GNG7: variants seen among roughly 807,000 people sequenced by gnomAD.
GNG7 encodes the protein G protein subunit gamma 7, also known as guanine nucleotide-binding protein G(I)/G(S)/G(O) subunit gamma-7.
GNG7 carries 1 observed loss-of-function variant against 4.0 expected under a neutral mutation model. The ratio of observed to expected loss-of-function variants is 0.25; its 90% CI spans 0.09 to 1.18. GNG7 has a LOEUF of 1.18. Among genes scored for constraint, GNG7 ranks in the 50% most tolerant of loss-of-function variants. GNG7 has a pLI of 0.50. For missense variants in GNG7, 86 were observed against 91.9 expected (o/e 0.94, Z 0.26); for synonymous variants, 34 against 36.9 (o/e 0.92, Z 0.29).
intron 2 of GNG7, among the ~76,000 whole-genome samples, chr19:2,572,625 G>A (rs1286784537): frequency 1.1e-4 from 15 of 140,470 alleles, no homozygotes; most frequent in African/African-American, 4.0e-4. Flanking sequence ...AAGAGTTAAC[G>A]ATCTGTTGCC....
intron 1 of GNG7, among the ~76,000 whole-genome samples, chr19:2,690,890 G>A (rs1241563039): frequency 1.3e-5 from 2 of 152,128 alleles, no homozygotes; most frequent in Admixed American, 6.6e-5. Flanking sequence ...CACCGCGCCC[G>A]GCCAGGGCAG....
intron 1 of GNG7, among the ~76,000 whole-genome samples, chr19:2,663,777 T>G (rs1983236882): frequency 1.3e-5 from 2 of 152,180 alleles, no homozygotes; most frequent in Admixed American, 1.3e-4. Context: ...CACCAGTTTT[T>G]AAAACTGAAC....
chr19:2,589,083 C>A (rs1474557307), intron 2 of GNG7, among the ~76,000 whole-genome samples: 1 of 149,512 alleles, frequency 6.7e-6, no homozygotes, highest in Admixed American at 6.7e-5. Context: ...CATGAGCCAC[C>A]ACACCTGGCT....
chr19:2,514,702 C>T lies in GNG7; in HGVS notation c.*320G>A. 1 of 199,974 alleles carries T rather than the reference C, an allele frequency of 5.0e-6. No individual in the cohort carries two copies. The highest frequency in any genetic ancestry group is 1.2e-4 in the East Asian group (1 of 8,356). The allele number at this position is 199,974 out of a possible 1,614,324, so 12.4% of individuals were successfully genotyped here. On this transcript the variant is annotated 3_prime_UTR_variant, in exon 5 of 5. Coordinates refer to ENST00000382159, the MANE Select transcript of GNG7 (RefSeq NM_052847.3). ...AATCGAGAGTTTTAAAAAATTGTTA[C>T]CCCATCGCTGGGGGATTTCAGTTAT...
chr19:2,588,690 A>G (rs1247260194), intron 2 of GNG7, among the ~76,000 whole-genome samples: 1 of 152,180 alleles, frequency 6.6e-6, no homozygotes, highest in African/African-American at 2.4e-5. Context: ...CAGGGTGACC[A>G]ACCCCAGCTG....
intron 1 of GNG7, among the ~76,000 whole-genome samples, chr19:2,676,105 C>T (rs555675264): frequency 3.0e-4 from 46 of 152,192 alleles, no homozygotes; most frequent in Non-Finnish European, 5.7e-4. Context: ...AGCCCAGGGG[C>T]GCCAAGAACC....
intron 3 of GNG7, among the ~76,000 whole-genome samples, chr19:2,527,582 C>T (rs1599373840): frequency 6.6e-6 from 1 of 152,292 alleles, no homozygotes; most frequent in Non-Finnish European, 1.5e-5. Context: ...CAGCCTAGGG[C>T]CCCAGTCTGC....
chr19:2,661,363 A>AGAAG (rs1983174037), intron 1 of GNG7, among the ~76,000 whole-genome samples: 1 of 151,246 alleles, frequency 6.6e-6, no homozygotes, highest in Non-Finnish European at 1.5e-5. Flanking sequence ...AAAGAAAGAA[A>AGAAG]TGGGCCCTCC....
intron 1 of GNG7, among the ~76,000 whole-genome samples, chr19:2,667,677 G>A (rs1385605806): frequency 1.3e-5 from 2 of 152,160 alleles, no homozygotes; most frequent in African/African-American, 4.8e-5. Context: ...CACTTTGGGA[G>A]GCGGAGGCAG....
chr19:2,525,593 A>G (rs1442723536), intron 3 of GNG7, among the ~76,000 whole-genome samples: 1 of 152,140 alleles, frequency 6.6e-6, no homozygotes, highest in Non-Finnish European at 1.5e-5. Flanking sequence ...GCTCCAGTGC[A>G]CAGAAGGGCT....
intron 2 of GNG7, among the ~76,000 whole-genome samples, chr19:2,567,144 A>C (rs867972740): frequency 9.2e-5 from 10 of 109,190 alleles, no homozygotes; most frequent in African/African-American, 1.8e-4. Flanking sequence ...AAAAAAAAAC[A>C]AAAAAAAAAA....
chr19:2,661,102 T>C (rs1268386811), intron 1 of GNG7, among the ~76,000 whole-genome samples: 1 of 148,848 alleles, frequency 6.7e-6, no homozygotes, highest in Non-Finnish European at 1.5e-5. Context: ...TCCCAGCTAC[T>C]AGAGAGGCTG....
chr19:2,686,753 CT>C (rs1224590104), intron 1 of GNG7, among the ~76,000 whole-genome samples: 14,668 of 140,270 alleles, frequency 0.1, 692 homozygotes, highest in Middle Eastern at 0.19. Context: ...TTTTTTCTTT[CT>C]TTTTTTTTTT....
rs1477803626 is a variant in GNG7, at chr19:2,609,603, G to A, written c.-78+36621C>T. 1.3e-5 allele frequency among the ~76,000 whole-genome samples: 2 copies of A among 152,178 alleles called. No individual in the cohort carries two copies. Among genetic ancestry groups the A allele is most frequent in the Non-Finnish European group, 2.9e-5 (2 of 68,038 alleles). On this transcript the variant is annotated intron_variant, in intron 2 of 4. Coordinates refer to ENST00000382159, the MANE Select transcript of GNG7 (RefSeq NM_052847.3). This position sits in a 1 kb window ranked among gnomAD's most constrained non-coding sequence, Gnocchi z 4.4. ...GTGATGTTTGCGCACCACGTCCCGAGTGCCAGAGCAGACAGGGTCCCACCT... is the reference window on the plus strand; with the variant it reads ...GTGATGTTTGCGCACCACGTCCCGAATGCCAGAGCAGACAGGGTCCCACCT...
intron 3 of GNG7, among the ~76,000 whole-genome samples, chr19:2,526,809 T>C (rs528671343): frequency 1.3e-5 from 2 of 151,100 alleles, no homozygotes; most frequent in Admixed American, 1.3e-4. Flanking sequence ...TATTATATAG[T>C]TATAGAATCT....
At position 2,618,035 on chromosome 19, in the gene GNG7, G is replaced by T. The variant is rs759919393; in HGVS notation, c.-78+28189C>A. On this transcript the variant is annotated intron_variant, in intron 2 of 4. Transcript: ENST00000382159. The surrounding 1 kb of genome is among the most constrained non-coding windows in gnomAD (Gnocchi z 5.1). ...CCTTATCTTCTAAGACCCTCTGTTT[G>T]GTTTGCCAGTGTGTCTGGGCATGTG... is the stretch of plus-strand genomic sequence containing the variant. 1.6e-4 allele frequency among the ~76,000 whole-genome samples: 24 copies of T among 152,024 alleles called. No individual in the cohort carries two copies. Among genetic ancestry groups the T allele is most frequent in the Non-Finnish European group, 2.6e-4 (18 of 67,996 alleles).
At chr19:2,671,760 T>C (rs970549340) in intron 1 of GNG7, among the ~76,000 whole-genome samples, 1 of 152,140 alleles carries the variant, frequency 6.6e-6, no homozygotes, top group Non-Finnish European at 1.5e-5. Context: ...AATCTCCTGA[T>C]TTTTAGTTTC....
intron 2 of GNG7, among the ~76,000 whole-genome samples, chr19:2,598,677 A>AAATAATAATAAT (rs56068932): frequency 2.8e-5 from 4 of 141,008 alleles, no homozygotes; most frequent in African/African-American, 7.8e-5. Flanking sequence ...AAAAGTAATA[A>AAATAATAATAAT]AATAATAATA....
intron 2 of GNG7, among the ~76,000 whole-genome samples, chr19:2,645,243 C>CTTTT (rs10674864): frequency 3.5e-4 from 48 of 135,502 alleles, no homozygotes; most frequent in Non-Finnish European, 5.2e-4. Context: ...CTCTCTCTCT[C>CTTTT]TTTTTTTTTT....
Sources: allele counts gnomAD v4.1 joint callset (sites outside exome capture counted in the v4.1 genomes callset), GRCh38; gene constraint gnomAD v4.1.1; non-coding constraint Gnocchi (gnomAD v3.1); transcripts MANE v1.5; gene names NCBI Gene and HGNC (gene_info 2026-07-23, HGNC 2026-07-21).